Variants in NBEAL1 observed in about 807,000 individuals in gnomAD.
The protein encoded by NBEAL1 is neurobeachin-like protein 1.
NBEAL1 carries 273 observed loss-of-function variants against 351.3 expected under a neutral mutation model. That is an observed-to-expected ratio of 0.78 (90% CI 0.70 to 0.86). The LOEUF is 0.86. Among genes scored for constraint, NBEAL1 ranks in the 40% least tolerant of loss-of-function variants. The pLI is 0.00. For synonymous variants in NBEAL1, 1,050 were observed against 1,086.4 expected, an observed-to-expected ratio of 0.97 and a Z score of 0.66; for missense variants, 2,961 against 3,201.3, an observed-to-expected ratio of 0.92 and a Z score of 1.81.
chr2:203,182,103 A>C (rs945649150), intron 43 of NBEAL1: 1 of 152,216 alleles, frequency 6.6e-6, no homozygotes, highest in African/African-American at 2.4e-5. Flanking sequence ...GAAAAACAGA[A>C]TGCCTTTAGG....
chr2:203,018,908 T>G (rs1383753106), intron 2 of NBEAL1, among the ~76,000 whole-genome samples: 2 of 152,194 alleles, frequency 1.3e-5, no homozygotes, highest in Non-Finnish European at 2.9e-5. Context: ...GTGATCAATG[T>G]TCTTACTTTC....
At chr2:203,197,417 A>G (rs757278520) in intron 48 of NBEAL1, 26 bp downstream of exon 48, 2 of 1,337,304 alleles carry the variant, frequency 1.5e-6, no homozygotes, top group East Asian at 2.3e-5. Flanking sequence ...CCTTTTTCAC[A>G]CTGCTATGCC....
intron 46 of NBEAL1, among the ~76,000 whole-genome samples, chr2:203,192,963 CTTTTTTT>C (rs71408917): frequency 9.1e-5 from 9 of 99,344 alleles, no homozygotes; most frequent in South Asian, 3.3e-4. Flanking sequence ...TTCTTTCTTT[CTTTTTTT>C]TTTTTTTTTT....
chr2:203,091,180 A>AT (rs2062057285), intron 10 of NBEAL1, among the ~76,000 whole-genome samples: 1 of 152,000 alleles, frequency 6.6e-6, no homozygotes, highest in South Asian at 2.1e-4. Flanking sequence ...ATTCTACTTT[A>AT]TGTCTCTATG....
At chr2:203,043,863 A>G (rs1380573894) in intron 3 of NBEAL1, among the ~76,000 whole-genome samples, 1 of 151,984 alleles carries the variant, frequency 6.6e-6, no homozygotes, top group African/African-American at 2.4e-5. Context: ...GTAGGCAATC[A>G]GAAGTAGTAA....
chr2:203,087,613 T>G (rs2061992109), intron 10 of NBEAL1, among the ~76,000 whole-genome samples: 1 of 152,232 alleles, frequency 6.6e-6, no homozygotes, highest in Non-Finnish European at 1.5e-5. Context: ...CCCTTCATGT[T>G]TTCTTATTCA....
intron 38 of NBEAL1, among the ~76,000 whole-genome samples, chr2:203,167,677 AAAT>A (rs2064177966): frequency 6.6e-6 from 1 of 152,206 alleles, no homozygotes; most frequent in African/African-American, 2.4e-5. Flanking sequence ...TCAAATTAAA[AAAT>A]AATGAGGAAT....
intron 9 of NBEAL1, among the ~76,000 whole-genome samples, chr2:203,083,976 C>CTGTGTG (rs59252809): frequency 0.047 from 6,354 of 134,094 alleles, 207 homozygotes; most frequent in East Asian, 0.14. Context: ...TCCTCAGAGC[C>CTGTGTG]TGTGTGTGTG....
At chr2:203,074,320 T>C (rs905559481) in intron 7 of NBEAL1, among the ~76,000 whole-genome samples, 5 of 34,088 alleles carry the variant, frequency 1.5e-4, no homozygotes, top group Non-Finnish European at 4.3e-4. Context: ...CTTTCTTCTT[T>C]TTTTTTTTTT....
intron 7 of NBEAL1, among the ~76,000 whole-genome samples, chr2:203,076,747 A>G (rs908040412): frequency 6.6e-6 from 1 of 151,732 alleles, no homozygotes; most frequent in Non-Finnish European, 1.5e-5. Context: ...GCCCGCCACC[A>G]CACCTGGCTA....
chr2:203,019,358 C>G (rs1009937095), intron 2 of NBEAL1, among the ~76,000 whole-genome samples: 1 of 152,194 alleles, frequency 6.6e-6, no homozygotes, highest in Non-Finnish European at 1.5e-5. Flanking sequence ...AAAGGGAAGG[C>G]AGGTGGCATA....
intron 3 of NBEAL1, among the ~76,000 whole-genome samples, chr2:203,044,669 A>T (rs1177137975): frequency 6.6e-6 from 1 of 152,192 alleles, no homozygotes; most frequent in Non-Finnish European, 1.5e-5. Flanking sequence ...CATGAATTTA[A>T]TTTTTCTAAT....
chr2:203,169,636 G>A, intron 38 of NBEAL1, 111 bp from the exon 39 acceptor site: 1 of 572,266 alleles, frequency 1.7e-6, no homozygotes, highest in Non-Finnish European at 3.1e-6. Flanking sequence ...ACAACACTAA[G>A]TTGTATACTT....
chr2:203,207,063 G>A (rs1575130698), intron 51 of NBEAL1, among the ~76,000 whole-genome samples: 1 of 150,972 alleles, frequency 6.6e-6, no homozygotes, highest in Admixed American at 6.6e-5. Flanking sequence ...GAGCGCCTCT[G>A]CCCTGTCGCC....
rs2063745640 is a variant in NBEAL1 at position 203,154,452 on chromosome 2, A to C, written c.5587+2863A>C. ...CCTTAGTTTTGTCTATATTTCCGTT[A>C]ACTGCCAGAATTCATGGTTTTCTTT... On this transcript the variant is annotated intron_variant, in intron 35 of 55. Coordinates refer to ENST00000683969, the MANE Select transcript of NBEAL1 (RefSeq NM_001378026.1). Among the ~76,000 whole-genome samples, 6 of 152,114 alleles carry C rather than the reference A, an allele frequency of 3.9e-5. No homozygotes were observed. The South Asian group carries it at 6.2e-4, about 16-fold the overall frequency.
chr2:203,187,366 G>GTTT (rs2064930274), intron 44 of NBEAL1, among the ~76,000 whole-genome samples: 2 of 37,480 alleles, frequency 5.3e-5, no homozygotes, highest in African/African-American at 1.3e-4. Context: ...CTCTTGCAAT[G>GTTT]GTTTTTTTTT....
chr2:203,044,931 C>A (rs897854044), intron 3 of NBEAL1, among the ~76,000 whole-genome samples: 58 of 152,180 alleles, frequency 3.8e-4, no homozygotes, highest in African/African-American at 1.3e-3. Context: ...AACAGAGGAA[C>A]AGATTTGTGG....
In NBEAL1 at chr2:203,127,906, G is replaced by A. The variant is rs1191189490; in HGVS notation, c.3374G>A (p.Gly1125Glu). Reference sequence around the variant, plus strand: ...CATGAAGAGATACAAAGTATTATGGGGTACATAGCTGCTACTAATGAAGAA... The same window carrying A: ...CATGAAGAGATACAAAGTATTATGGAGTACATAGCTGCTACTAATGAAGAA... ...GSHEEIQSIM[G>E]YIAATNEEEQ... is the part of the protein sequence containing the mutation. The change falls in exon 24 of 56, where the codon GGG becomes GAG. Residue 1125 changes from glycine (G) to glutamate (E), a missense_variant. Transcript: ENST00000683969. 5.2e-6 allele frequency: 8 copies of A among 1,551,240 alleles called. No individual in the cohort carries two copies. The highest frequency in any genetic ancestry group is 6.1e-6 in the Non-Finnish European group (7 of 1,146,054).
chr2:203,043,367 T>A (rs868637282), intron 3 of NBEAL1, among the ~76,000 whole-genome samples: 3 of 152,216 alleles, frequency 2.0e-5, no homozygotes, highest in South Asian at 2.1e-4. Context: ...GCCTAATAGT[T>A]GTTCAGTAAG....
Sources: allele counts gnomAD v4.1 joint callset (sites outside exome capture counted in the v4.1 genomes callset), GRCh38; gene constraint gnomAD v4.1.1; transcripts MANE v1.5; gene names NCBI Gene and HGNC (gene_info 2026-07-23, HGNC 2026-07-21).